Variants in SLC22A13 observed in about 807,000 individuals in gnomAD.
SLC22A13 encodes solute carrier family 22 member 13.
SLC22A13 carries 42 observed loss-of-function variants against 49.1 expected under a neutral mutation model. That is an observed-to-expected ratio of 0.85 (90% CI 0.67 to 1.11). The LOEUF is 1.11. SLC22A13 is among the 50% of genes least tolerant of loss of function. The probability of loss-of-function intolerance (pLI) is 0.00; values close to 1 mark genes in which losing one functional copy is unlikely to be tolerated. For synonymous variants in SLC22A13, 282 were observed against 293.1 expected, an observed-to-expected ratio of 0.96 and a Z score of 0.39; for missense variants, 694 against 712.8, an observed-to-expected ratio of 0.97 and a Z score of 0.30.
chr3:38,275,583 C>G lies in SLC22A13; in HGVS notation c.933C>G (p.Val311=). The change falls in exon 6 of 10, where the codon GTC becomes GTG. Residue 311 remains valine, a synonymous_variant. Coordinates refer to ENST00000311856, the MANE Select transcript of SLC22A13 (RefSeq NM_004256.4). ...KLSPELMNQL[V]PEKTGPSGNA... is the part of the protein sequence containing the mutation. The stretch of plus-strand genomic sequence containing the variant: ...ACTCTGCTTCTTCCTCCCAGCTGGT[C>G]CCAGAGAAGACAGGCCCCTCAGGGA... 6.2e-7 allele frequency: 1 copy of G among 1,614,104 alleles called. No homozygotes were observed.
chr3:38,275,900 G>A lies in SLC22A13; in HGVS notation c.1041G>A (p.Gly347=). The part of the protein sequence containing the change: ...IFCVWFVDSL[G]YYGLSLQVGD... ...CTTGTAGGTTTGTGGACAGTCTGGG[G>A]TACTACGGCCTGAGCCTCCAAGTGG... Residue 347 remains glycine, a synonymous_variant, in exon 7 of 10, where the codon GGG becomes GGA. Transcript: ENST00000311856. The A allele has an allele frequency of 1.9e-6, 3 of 1,614,154 alleles. No individual in the cohort carries two copies. The highest frequency in any genetic ancestry group is 1.7e-6 in the Non-Finnish European group (2 of 1,179,968).
chr3:38,274,461 G>A lies in SLC22A13; in HGVS notation c.482+86G>A, dbSNP rs891991568. 6.3e-6 allele frequency: 9 copies of A among 1,428,672 alleles called. No individual in the cohort carries two copies. In the African/African-American group the frequency reaches 1.3e-4, roughly 20 times the overall value. The allele number at this position is 1,428,672 out of a possible 1,614,324, so 88.5% of individuals were successfully genotyped here. On this transcript the variant is annotated intron_variant, in intron 2 of 9. Transcript: ENST00000311856. The stretch of plus-strand genomic sequence containing the variant: ...AAGTCCCCCTTATGCCCCTTACACT[G>A]GCCTTTAGGCAAGGCCCTCTTCCCC...
intron 1 of SLC22A13, 151 bp from the exon 2 acceptor site, chr3:38,274,121 C>T: frequency 1.6e-6 from 1 of 630,160 alleles, no homozygotes. Flanking sequence ...CCCTGCCATG[C>T]TCAGTGAGTT....
At chr3:38,277,179 G>A (rs540061725) in intron 9 of SLC22A13, 52 bp downstream of exon 9, 15 of 1,391,766 alleles carry the variant, frequency 1.1e-5, no homozygotes, top group Admixed American at 4.0e-5. Context: ...CATTGGCCAC[G>A]CACTCTATAT....
Position 38,274,364 on chromosome 3 carries a change from C to T in SLC22A13, c.471C>T (p.Pro157=). Residue 157 remains proline, a synonymous_variant, in exon 2 of 10, where the codon CCC becomes CCT. Transcript: ENST00000311856. ...TTGTTGGCACCCTCATGTTTGGGCC[C>T]CTCTGCGACCGGTAAGAACCTTGCC... ...GLLVGTLMFG[P]LCDRIGRKAT... is the part of the protein sequence containing the mutation. 1.9e-6 allele frequency: 3 copies of T among 1,613,852 alleles called. No homozygotes were observed. Among genetic ancestry groups the T allele is most frequent in the Non-Finnish European group, 2.5e-6 (3 of 1,179,708 alleles).
intron 1 of SLC22A13, among the ~76,000 whole-genome samples, chr3:38,272,781 A>T (rs762566324): frequency 6.6e-6 from 1 of 152,242 alleles, no homozygotes; most frequent in Non-Finnish European, 1.5e-5. Context: ...TCTTGCTAAA[A>T]GTTATTTAAC....
chr3:38,274,478 C>G, intron 2 of SLC22A13, 103 bp downstream of exon 2: 1 of 1,434,132 alleles, frequency 7.0e-7, no homozygotes, highest in Non-Finnish European at 9.8e-7. Flanking sequence ...AGGCAAGGCC[C>G]TCTTCCCCCT....
chr3:38,274,827 C>G, intron 3 of SLC22A13, 69 bp downstream of exon 3: 1 of 1,559,310 alleles, frequency 6.4e-7, no homozygotes, highest in Non-Finnish European at 8.7e-7. Context: ...GCCACAGCCC[C>G]AAACGGCCTG....
chr3:38,274,509 CAG>C (rs1703554283), intron 2 of SLC22A13, 93 bp from the exon 3 acceptor site: 2 of 1,484,390 alleles, frequency 1.3e-6, no homozygotes, highest in South Asian at 2.4e-5. Context: ...GGGGCTCAGA[CAG>C]AGACCCCAGG....
In SLC22A13 at chr3:38,269,986, C is replaced by T. The variant is rs910526985; in HGVS notation, c.378+3748C>T. Among the ~76,000 whole-genome samples, 14 of 150,726 alleles carry T rather than the reference C, an allele frequency of 9.3e-5. No homozygotes were observed. In the East Asian group the frequency reaches 1.2e-3, roughly 13 times the overall value. On this transcript the variant is annotated intron_variant, in intron 1 of 9. Coordinates refer to ENST00000311856, the MANE Select transcript of SLC22A13 (RefSeq NM_004256.4). ...TACGGTGTTTGGTTTTTTGTTCTTG[C>T]GATAGTTTACTGAGAATGATAATTT...
Position 38,277,576 on chromosome 3 carries a change from GC to G in SLC22A13, c.*112del, listed in dbSNP as rs924104345. On this transcript the variant is annotated 3_prime_UTR_variant, in exon 10 of 10. Coordinates refer to ENST00000311856, the MANE Select transcript of SLC22A13 (RefSeq NM_004256.4). ...GGCAAGACCAGCCTTGCTTATGGAG[GC>G]AGGACACCACAATCTGGCCCATGGC... is the stretch of plus-strand genomic sequence containing the variant. 8.7e-5 allele frequency: 64 copies of G among 734,076 alleles called. No individual in the cohort carries two copies. In the African/African-American group the frequency reaches 1.1e-3, roughly 12 times the overall value. 45.5% of individuals were successfully genotyped at this position (734,076 alleles called of 1,614,324 possible). A position where few individuals can be genotyped will look rare whatever the true frequency, so the allele number is the denominator to read the frequency against.
intron 1 of SLC22A13, among the ~76,000 whole-genome samples, chr3:38,269,987 G>C (rs553900475): frequency 1.3e-5 from 2 of 151,098 alleles, no homozygotes; most frequent in African/African-American, 4.9e-5. Context: ...TTGTTCTTGC[G>C]ATAGTTTACT....
chr3:38,276,013 A>G lies in SLC22A13; in HGVS notation c.1154A>G (p.Gln385Arg), dbSNP rs1171130514. The change falls in exon 7 of 10, where the codon CAG becomes CGG. Residue 385 changes from glutamine to arginine, a missense_variant. Coordinates refer to ENST00000311856, the MANE Select transcript of SLC22A13 (RefSeq NM_004256.4). ...CGCTGTTCCAGCATCTTCATGATGCAGAGGTTTGGCCGCAAGTGGAGCCAG... is the reference window on the plus strand; with the variant it reads ...CGCTGTTCCAGCATCTTCATGATGCGGAGGTTTGGCCGCAAGTGGAGCCAG... ...PARCSSIFMM[Q>R]RFGRKWSQLG... 14 of 1,614,030 alleles carry G rather than the reference A, an allele frequency of 8.7e-6. No homozygotes were observed. Among genetic ancestry groups the G allele is most frequent in the Non-Finnish European group, 8.5e-6 (10 of 1,180,016 alleles).
intron 1 of SLC22A13, among the ~76,000 whole-genome samples, chr3:38,271,922 C>T (rs1393886327): frequency 6.6e-6 from 1 of 152,134 alleles, no homozygotes; most frequent in Non-Finnish European, 1.5e-5. Flanking sequence ...TGGGATTCTG[C>T]AGACCACCAT....
rs1703603666 is a variant in SLC22A13, at chr3:38,277,670, T to A, written c.*205T>A. On this transcript the variant is annotated 3_prime_UTR_variant, in exon 10 of 10. Transcript: ENST00000311856. ...TCTGAGACAGGACCTCCCGGCCTCCTTCACCTTTCTCATCTCCAGAGCCCT... is the reference window on the plus strand; with the variant it reads ...TCTGAGACAGGACCTCCCGGCCTCCATCACCTTTCTCATCTCCAGAGCCCT... 1 of 503,916 alleles carries A rather than the reference T, an allele frequency of 2.0e-6. No homozygotes were observed. Among genetic ancestry groups the A allele is most frequent in the Non-Finnish European group, 3.6e-6 (1 of 280,932 alleles). 31.2% of individuals were successfully genotyped at this position (503,916 alleles called of 1,614,324 possible).
In SLC22A13 at chr3:38,277,485, G is replaced by C. The variant is rs545535661; in HGVS notation, c.*20G>C. ...TTCTGATTGAGGTCTCTAAGAGCTG[G>C]ACCATCAGCAGCAGGGAGCTGCCTA... On this transcript the variant is annotated 3_prime_UTR_variant, in exon 10 of 10. Transcript: ENST00000311856. 6.3e-7 allele frequency: 1 copy of C among 1,587,392 alleles called. No homozygotes were observed. The highest frequency in any genetic ancestry group is 8.6e-7 in the Non-Finnish European group (1 of 1,157,026).
At chr3:38,276,768 G>T in intron 8 of SLC22A13, 144 bp from the exon 9 acceptor site, 2 of 705,268 alleles carry the variant, frequency 2.8e-6, no homozygotes, top group Admixed American at 4.9e-5. Flanking sequence ...CAGGAGCAGA[G>T]AGCAGGAACG....
chr3:38,271,910 G>A lies in SLC22A13; in HGVS notation c.379-2362G>A, dbSNP rs548307156. 3.3e-5 allele frequency among the ~76,000 whole-genome samples: 5 copies of A among 152,266 alleles called. No homozygotes were observed. In the East Asian group the frequency reaches 9.7e-4, roughly 29 times the overall value. On this transcript the variant is annotated intron_variant, in intron 1 of 9. Transcript: ENST00000311856. Reference sequence around the variant, plus strand: ...GATGGGGTATACGCCAAGAAATGAGGGTGGGATTCTGCAGACCACCATGGC... The same window carrying A: ...GATGGGGTATACGCCAAGAAATGAGAGTGGGATTCTGCAGACCACCATGGC...
chr3:38,271,542 CAAAAAAAAAAA>C (rs397837435), intron 1 of SLC22A13, among the ~76,000 whole-genome samples: 2 of 48,428 alleles, frequency 4.1e-5, no homozygotes, highest in African/African-American at 1.2e-4. Flanking sequence ...GACGCTTTCT[CAAAAAAAAAAA>C]AAAAAAAAAA....
Sources: allele counts gnomAD v4.1 joint callset (sites outside exome capture counted in the v4.1 genomes callset), GRCh38; gene constraint gnomAD v4.1.1; transcripts MANE v1.5; gene names NCBI Gene and HGNC (gene_info 2026-07-23, HGNC 2026-07-21).